The following DNAH5 variants were observed in gnomAD, a reference collection of about 807,000 sequenced individuals.
DNAH5 encodes dynein axonemal heavy chain 5.
A neutral mutation model predicts 518.2 loss-of-function variants in DNAH5; 372 were observed. That is an observed-to-expected ratio of 0.72 (90% CI 0.66 to 0.78). The LOEUF (loss-of-function observed/expected upper bound fraction) is 0.78, where lower values mean the gene tolerates loss of function less well. Ranked by LOEUF, DNAH5 falls within the 30% of genes least tolerant of loss-of-function variation. DNAH5 has a pLI of 0.00. For synonymous variants in DNAH5, 2,039 were observed against 2,025.9 expected, an observed-to-expected ratio of 1.01 and a Z score of -0.17; for missense variants, 5,523 against 5,687.0, an observed-to-expected ratio of 0.97 and a Z score of 0.93.
At chr5:14,010,569 A>G (rs997127835) in intron 1 of DNAH5, among the ~76,000 whole-genome samples, 1 of 152,186 alleles carries the variant, frequency 6.6e-6, no homozygotes, top group South Asian at 2.1e-4. Flanking sequence ...TTTGACAGAA[A>G]ATGAGAACAG....
rs142247641 is a variant in DNAH5, at chr5:13,853,276, G to A, written c.4951-2461C>T. 2.5e-3 allele frequency among the ~76,000 whole-genome samples: 374 copies of A among 152,296 alleles called. 3 individuals are homozygous for A. The highest frequency in any genetic ancestry group is 8.4e-3 in the African/African-American group (351 of 41,560). ...AAACTCCAGAAGACCTGCAGAAGAC[G>A]GGCCTGTCTGTTAGAGGAACACTAA... is the stretch of plus-strand genomic sequence containing the variant. On this transcript the variant is annotated intron_variant, in intron 30 of 78. Transcript: ENST00000265104.
At chr5:13,716,417 G>A in intron 74 of DNAH5, 70 bp downstream of exon 74, 1 of 1,074,508 alleles carries the variant, frequency 9.3e-7, no homozygotes, top group Non-Finnish European at 1.4e-6. Context: ...TATAGACAGT[G>A]TAATTAATAC....
At chr5:13,895,713 A>G (rs549225957) in intron 15 of DNAH5, among the ~76,000 whole-genome samples, 1 of 152,208 alleles carries the variant, frequency 6.6e-6, no homozygotes, top group African/African-American at 2.4e-5. Context: ...TCTCCAGCCC[A>G]GATCTCACTC....
intron 69 of DNAH5, 34 bp from the exon 70 acceptor site, chr5:13,727,690 C>A: frequency 6.2e-7 from 1 of 1,612,818 alleles, no homozygotes; most frequent in East Asian, 2.2e-5. Context: ...CTGTGTCATG[C>A]CACCCAACAA....
At chr5:13,956,817 G>C (rs1006588954) in intron 1 of DNAH5, among the ~76,000 whole-genome samples, 1 of 152,176 alleles carries the variant, frequency 6.6e-6, no homozygotes, top group Non-Finnish European at 1.5e-5. Flanking sequence ...GAAATTTCAT[G>C]AACTGAATTA....
intron 1 of DNAH5, among the ~76,000 whole-genome samples, chr5:13,974,807 C>T: frequency 6.6e-6 from 1 of 152,150 alleles, no homozygotes; most frequent in African/African-American, 2.4e-5. Context: ...CCACTACTAC[C>T]ACCGCTACTC....
intron 1 of DNAH5, among the ~76,000 whole-genome samples, chr5:13,986,611 T>C (rs1266143087): frequency 6.6e-6 from 1 of 152,208 alleles, no homozygotes; most frequent in Non-Finnish European, 1.5e-5. Flanking sequence ...ACATCATGTG[T>C]GCAGAGATGA....
At chr5:13,870,485 G>T (rs1421190081) in intron 24 of DNAH5, among the ~76,000 whole-genome samples, 1 of 152,114 alleles carries the variant, frequency 6.6e-6, no homozygotes, top group East Asian at 1.9e-4. Flanking sequence ...TTCCTTTCCT[G>T]ATTCCCTCGC....
In DNAH5 at chr5:13,876,778, A is replaced by G. The variant is rs376453450; in HGVS notation, c.3302T>C (p.Val1101Ala). 2.4e-5 allele frequency: 38 copies of G among 1,613,786 alleles called. No homozygotes were observed. Among genetic ancestry groups the G allele is most frequent in the Admixed American group, 3.3e-5 (2 of 59,956 alleles). The change falls in exon 22 of 79, where the codon GTG (valine) becomes GCG (alanine). Residue 1101 changes from valine to alanine, a missense_variant. Physicochemically the swap from Val to Ala is moderately conservative, Grantham distance 64. Transcript: ENST00000265104. ...EIASVNLPIPVQTKNYYKNVS... is the reference protein window; with the variant it reads ...EIASVNLPIPAQTKNYYKNVS... Reference sequence around the variant, plus strand: ...ATTCTTATAATAGTTCTTGGTTTGCACGGGAATGGGTAAATTTACAGATGC... The same window carrying G: ...ATTCTTATAATAGTTCTTGGTTTGCGCGGGAATGGGTAAATTTACAGATGC...
intron 42 of DNAH5, 100 bp from the exon 43 acceptor site, chr5:13,814,946 A>C: frequency 9.3e-7 from 1 of 1,073,164 alleles, no homozygotes; most frequent in Admixed American, 2.4e-5. Flanking sequence ...TATTAGATGT[A>C]ATTTTCATTA....
At chr5:13,889,486 G>A (rs1772892950) in intron 17 of DNAH5, among the ~76,000 whole-genome samples, 1 of 152,198 alleles carries the variant, frequency 6.6e-6, no homozygotes, top group African/African-American at 2.4e-5. Context: ...AGTCCTGCTT[G>A]GGAGGTGGTC....
intron 65 of DNAH5, among the ~76,000 whole-genome samples, chr5:13,739,317 G>C (rs2126632649): frequency 6.6e-6 from 1 of 152,270 alleles, no homozygotes; most frequent in Middle Eastern, 3.4e-3. Flanking sequence ...TCTCATAACA[G>C]TGAGTGAATT....
At chr5:13,825,297 T>C (rs997050740) in intron 38 of DNAH5, among the ~76,000 whole-genome samples, 1 of 152,020 alleles carries the variant, frequency 6.6e-6, no homozygotes, top group Non-Finnish European at 1.5e-5. Context: ...TGAGCCGAGA[T>C]AGCACTTGCA....
At chr5:13,818,134 T>C (rs1761702446) in intron 41 of DNAH5, among the ~76,000 whole-genome samples, 1 of 152,224 alleles carries the variant, frequency 6.6e-6, no homozygotes, top group South Asian at 2.1e-4. Flanking sequence ...AACGATAAGC[T>C]AAATGAATTT....
intron 65 of DNAH5, among the ~76,000 whole-genome samples, chr5:13,749,286 T>C (rs1749874509): frequency 6.6e-6 from 1 of 152,146 alleles, no homozygotes. Flanking sequence ...GCTGATCATT[T>C]TGTAAGAATT....
Position 13,822,782 on chromosome 5 carries a change from G to T in DNAH5, c.6687+481C>A, listed in dbSNP as rs59581201. ...CATCATGATATACATAGTGTGGTGG[G>T]TTCCCCCACCCTACCCACCGTATCC... is the stretch of plus-strand genomic sequence containing the variant. On this transcript the variant is annotated intron_variant, in intron 40 of 78. Transcript: ENST00000265104. Among the ~76,000 whole-genome samples the T allele has an allele frequency of 4.1e-3, 628 of 152,206 alleles. 6 individuals are homozygous for T. The highest frequency in any genetic ancestry group is 0.015 in the African/African-American group (606 of 41,508).
chr5:13,880,365 T>A (rs1161714696), intron 21 of DNAH5, among the ~76,000 whole-genome samples: 1 of 152,038 alleles, frequency 6.6e-6, no homozygotes, highest in Non-Finnish European at 1.5e-5. Flanking sequence ...ATATAATACC[T>A]CACTCATAAA....
intron 65 of DNAH5, among the ~76,000 whole-genome samples, chr5:13,738,494 T>C (rs1747916531): frequency 6.6e-6 from 1 of 152,230 alleles, no homozygotes; most frequent in South Asian, 2.1e-4. Flanking sequence ...TGGCCTGCTG[T>C]TCTCTCCAAA....
At chr5:13,765,395 T>C (rs911432628) in intron 59 of DNAH5, among the ~76,000 whole-genome samples, 1 of 152,306 alleles carries the variant, frequency 6.6e-6, no homozygotes, top group East Asian at 1.9e-4. Flanking sequence ...GTTCATACAA[T>C]ATTATTTCAC....
Sources: gnomAD v4.1 joint callset for allele counts (sites outside exome capture counted in the v4.1 genomes callset) on GRCh38, gnomAD v4.1.1 for gene constraint, MANE v1.5 for transcripts, NCBI Gene and HGNC (gene_info 2026-07-23, HGNC 2026-07-21) for gene names.